The following SMURF2 variants were observed in gnomAD, a reference collection of about 807,000 sequenced individuals.
SMURF2 encodes SMAD specific E3 ubiquitin protein ligase 2.
Under a neutral mutation model 109.6 loss-of-function variants are expected in SMURF2, and 48 were observed. The ratio of observed to expected loss-of-function variants is 0.44; its 90% CI spans 0.35 to 0.56. SMURF2 has a LOEUF of 0.56. Ranked by LOEUF, SMURF2 falls within the 20% of genes least tolerant of loss-of-function variation. The pLI is 0.01. For missense variants in SMURF2, 575 were observed against 909.0 expected (o/e 0.63, Z 4.72); for synonymous variants, 288 against 317.1 (o/e 0.91, Z 0.97).
intron 5 of SMURF2, among the ~76,000 whole-genome samples, chr17:64,587,607 C>A (rs1969681597): frequency 6.6e-6 from 1 of 152,108 alleles, no homozygotes; most frequent in Non-Finnish European, 1.5e-5. Flanking sequence ...CATCTAAGGA[C>A]CCTTCATTCA....
chr17:64,633,147 A>G (rs1970371961), intron 1 of SMURF2, among the ~76,000 whole-genome samples: 1 of 152,102 alleles, frequency 6.6e-6, no homozygotes, highest in Non-Finnish European at 1.5e-5. Flanking sequence ...GCACGCACCT[A>G]TAGTCCCAGC....
intron 1 of SMURF2, among the ~76,000 whole-genome samples, chr17:64,616,251 C>T (rs974483785): frequency 1.3e-5 from 2 of 152,012 alleles, no homozygotes; most frequent in African/African-American, 2.4e-5. Flanking sequence ...TTACTATGTG[C>T]AAGTGTACAC....
At chr17:64,636,649 TGCACCTGTAGTCCCA>T (rs1240912527) in intron 1 of SMURF2, among the ~76,000 whole-genome samples, 7 of 146,156 alleles carry the variant, frequency 4.8e-5, no homozygotes, top group African/African-American at 1.5e-4. Context: ...CATGGTGGTG[TGCACCTGTAGTCCCA>T]GCTACTCAGG....
intron 9 of SMURF2, among the ~76,000 whole-genome samples, chr17:64,575,731 G>A (rs1263828399): frequency 5.3e-5 from 8 of 151,962 alleles, no homozygotes; most frequent in African/African-American, 1.5e-4. Flanking sequence ...CCTTCTGTGG[G>A]TTGTTCTGGG....
At chr17:64,608,390 G>C (rs1970001511) in intron 1 of SMURF2, among the ~76,000 whole-genome samples, 1 of 152,084 alleles carries the variant, frequency 6.6e-6, no homozygotes, top group Non-Finnish European at 1.5e-5. Flanking sequence ...GAGTCCCTTA[G>C]GCCATGTCTT....
chr17:64,556,001 GA>G lies in SMURF2; in HGVS notation c.1432-4del. ...AAGTGGAAATAGGATAAATGTTCCT[GA>G]AATTGAAAACAGTATATATACTCGT... On this transcript the variant is annotated splice_polypyrimidine_tract_variant and splice_region_variant and intron_variant, in intron 13 of 18. Coordinates refer to ENST00000262435, the MANE Select transcript of SMURF2 (RefSeq NM_022739.4). The G allele has an allele frequency of 6.2e-7, 1 of 1,605,430 alleles. No individual in the cohort carries two copies. The highest frequency in any genetic ancestry group is 8.5e-7 in the Non-Finnish European group (1 of 1,174,806).
At chr17:64,574,230 C>T (rs1442193865) in intron 9 of SMURF2, among the ~76,000 whole-genome samples, 2 of 152,210 alleles carry the variant, frequency 1.3e-5, no homozygotes, top group South Asian at 2.1e-4. Context: ...TACAGTCATA[C>T]ACGGGAGAGT....
intron 1 of SMURF2, among the ~76,000 whole-genome samples, chr17:64,654,399 G>A (rs545491314): frequency 4.6e-5 from 7 of 152,232 alleles, no homozygotes; most frequent in African/African-American, 1.7e-4. Context: ...AAGACTGCTC[G>A]TATTTAAAAA....
At chr17:64,562,250 G>A (rs1337033808) in intron 11 of SMURF2, among the ~76,000 whole-genome samples, 28 of 114,264 alleles carry the variant, frequency 2.5e-4, no homozygotes, top group Admixed American at 4.8e-4. Context: ...CTGAGATTGC[G>A]TCACTGCACT....
intron 1 of SMURF2, among the ~76,000 whole-genome samples, chr17:64,648,085 A>AAC (rs1302977665): frequency 0.011 from 1,539 of 138,940 alleles, 35 homozygotes; most frequent in Admixed American, 0.026. Context: ...AAAAAAAAAA[A>AAC]AAAAAAACAG....
chr17:64,580,577 C>T lies in SMURF2; in HGVS notation c.772+212G>A, dbSNP rs111493582. On this transcript the variant is annotated intron_variant, in intron 8 of 18. Transcript: ENST00000262435. ...TCACTTCATTATAGAAGAGCACAAA[C>T]GCTGAGGCTGAATGATGAGCACAAG... Among the ~76,000 whole-genome samples, 412 of 152,280 alleles carry T rather than the reference C, an allele frequency of 2.7e-3. 1 individual carries two copies. The highest frequency in any genetic ancestry group is 4.7e-3 in the Non-Finnish European group (320 of 68,016).
At chr17:64,635,073 T>C (rs1269994169) in intron 1 of SMURF2, among the ~76,000 whole-genome samples, 1 of 152,290 alleles carries the variant, frequency 6.6e-6, no homozygotes, top group Admixed American at 6.5e-5. Context: ...ACACCTGTAA[T>C]CTCAGCACTT....
At chr17:64,640,619 G>C (rs539703361) in intron 1 of SMURF2, among the ~76,000 whole-genome samples, 1 of 151,718 alleles carries the variant, frequency 6.6e-6, no homozygotes, top group South Asian at 2.1e-4. Flanking sequence ...GATTATAGAC[G>C]GGTTAAAGAA....
At chr17:64,607,071 C>CT (rs60276383) in intron 1 of SMURF2, among the ~76,000 whole-genome samples, 7,100 of 134,766 alleles carry the variant, frequency 0.053, 220 homozygotes, top group Non-Finnish European at 0.083. Context: ...AGTTTTTTTT[C>CT]TTTTTTTTTT....
At chr17:64,612,702 T>C (rs550012544) in intron 1 of SMURF2, among the ~76,000 whole-genome samples, 9 of 152,180 alleles carry the variant, frequency 5.9e-5, no homozygotes, top group South Asian at 4.2e-4. Flanking sequence ...AAAAATCTTA[T>C]TTTTATCATT....
intron 1 of SMURF2, among the ~76,000 whole-genome samples, chr17:64,652,939 G>A (rs1303895255): frequency 2.0e-5 from 3 of 152,072 alleles, no homozygotes; most frequent in Admixed American, 6.6e-5. Flanking sequence ...AAGTTTAAAT[G>A]TATGAGTTAA....
chr17:64,591,928 T>A (rs114392102), intron 4 of SMURF2, among the ~76,000 whole-genome samples: 5,655 of 152,204 alleles, frequency 0.037, 364 homozygotes, highest in African/African-American at 0.13. Flanking sequence ...TTACTGCACA[T>A]CAAAAAAGTC....
intron 8 of SMURF2, among the ~76,000 whole-genome samples, chr17:64,579,095 C>T (rs1483771204): frequency 6.6e-6 from 1 of 152,072 alleles, no homozygotes; most frequent in African/African-American, 2.4e-5. Flanking sequence ...ACTGGGGAGA[C>T]ATTCTATGTC....
chr17:64,648,467 C>G (rs889416824), intron 1 of SMURF2, among the ~76,000 whole-genome samples: 1 of 152,136 alleles, frequency 6.6e-6, no homozygotes, highest in African/African-American at 2.4e-5. Flanking sequence ...ATCACGAAAG[C>G]CTGTTTTCAA....
Sources: allele counts gnomAD v4.1 joint callset (sites outside exome capture counted in the v4.1 genomes callset), GRCh38; gene constraint gnomAD v4.1.1; transcripts MANE v1.5; gene names NCBI Gene and HGNC (gene_info 2026-07-23, HGNC 2026-07-21).